The following SETBP1 variants were observed in gnomAD, a reference collection of about 807,000 sequenced individuals.
SETBP1 encodes SET-binding protein.
Under a neutral mutation model 101.0 loss-of-function variants are expected in SETBP1, and 9 were observed. The observed-to-expected ratio is 0.09, with a 90% CI of 0.05 to 0.16. The LOEUF is 0.16. Ranked by LOEUF, SETBP1 falls within the 10% of genes least tolerant of loss-of-function variation. The pLI is 1.00. For missense variants in SETBP1, 1,858 were observed against 2,033.8 expected (o/e 0.91, Z 1.66); for synonymous variants, 818 against 788.5 (o/e 1.04, Z -0.63).
At chr18:44,812,106 C>T (rs1335520467) in intron 2 of SETBP1, among the ~76,000 whole-genome samples, 2 of 152,040 alleles carry the variant, frequency 1.3e-5, no homozygotes, top group Non-Finnish European at 1.5e-5. Context: ...TGGTATGGGG[C>T]TCTCATGAGG....
At chr18:44,787,369 G>A (rs2071260117) in intron 2 of SETBP1, among the ~76,000 whole-genome samples, 1 of 152,166 alleles carries the variant, frequency 6.6e-6, no homozygotes, top group Non-Finnish European at 1.5e-5. Context: ...CTGCTAAGTT[G>A]AAGATGGAAC....
At chr18:44,944,164 T>A (rs565511266) in intron 3 of SETBP1, among the ~76,000 whole-genome samples, 1 of 152,254 alleles carries the variant, frequency 6.6e-6, no homozygotes, top group South Asian at 2.1e-4. Context: ...ACTCAAATCA[T>A]TGATTCTTCA....
chr18:45,042,757 T>C (rs1462519745), intron 5 of SETBP1, among the ~76,000 whole-genome samples: 2 of 152,154 alleles, frequency 1.3e-5, no homozygotes, highest in African/African-American at 4.8e-5. Context: ...ACATTATTGA[T>C]TTGTAAAAGG....
At chr18:44,695,094 G>A (rs1003410452) in intron 1 of SETBP1, among the ~76,000 whole-genome samples, 26 of 152,072 alleles carry the variant, frequency 1.7e-4, no homozygotes, top group African/African-American at 6.0e-4. Context: ...AATCAAATTG[G>A]TATTATGGAG....
intron 3 of SETBP1, among the ~76,000 whole-genome samples, chr18:44,928,044 TACATTAGGTATATCTC>T (rs145697714): frequency 0.036 from 5,456 of 152,268 alleles, 302 homozygotes; most frequent in African/African-American, 0.12. Context: ...ACTCGTCATT[TACATTAGGTATATCTC>T]CTAGTGCTAT....
chr18:44,682,043 T>A (rs1438194354), intron 1 of SETBP1, among the ~76,000 whole-genome samples: 1 of 152,202 alleles, frequency 6.6e-6, no homozygotes, highest in East Asian at 1.9e-4. Flanking sequence ...TACATCTTTT[T>A]CCTTCTTTTT....
At chr18:44,931,439 T>C (rs572323652) in intron 3 of SETBP1, among the ~76,000 whole-genome samples, 6 of 152,238 alleles carry the variant, frequency 3.9e-5, no homozygotes, top group Non-Finnish European at 5.9e-5. Flanking sequence ...GAGACTTCTG[T>C]ACATGTCTAT....
At chr18:45,051,554 G>C (rs1234317719) in intron 5 of SETBP1, among the ~76,000 whole-genome samples, 1 of 152,044 alleles carries the variant, frequency 6.6e-6, no homozygotes, top group Non-Finnish European at 1.5e-5. Flanking sequence ...GTTTAATTTG[G>C]CTATGAATCT....
In SETBP1 at chr18:45,063,134, C is replaced by T. The variant is rs200760583; in HGVS notation, c.4227C>T (p.Cys1409=). 4 of 1,613,974 alleles carry T rather than the reference C, an allele frequency of 2.5e-6. No individual in the cohort carries two copies. Among genetic ancestry groups the T allele is most frequent in the African/African-American group, 2.7e-5 (2 of 74,976 alleles). The change falls in exon 6 of 6, where the codon TGC becomes TGT. Residue 1409 remains cysteine, a synonymous_variant. Transcript: ENST00000649279. The stretch of plus-strand genomic sequence containing the variant: ...GGCGGGAGATCGAAGCCATCCAGTG[C>T]GAAGTGCGGAAGATGTGCAACTACA... ...FKRREIEAIQ[C]EVRKMCNYTK...
chr18:45,044,968 A>G (rs1452935728), intron 5 of SETBP1, among the ~76,000 whole-genome samples: 3 of 152,202 alleles, frequency 2.0e-5, no homozygotes, highest in African/African-American at 7.2e-5. Context: ...TTGCTGGGCA[A>G]AAGTCCACAA....
At chr18:44,765,244 A>C (rs12970746) in intron 2 of SETBP1, among the ~76,000 whole-genome samples, 11 of 151,730 alleles carry the variant, frequency 7.2e-5, no homozygotes, top group African/African-American at 2.4e-4. Flanking sequence ...AGGTAGATGT[A>C]CCTTTCCCTC....
chr18:44,917,700 A>G (rs548074087), intron 3 of SETBP1, among the ~76,000 whole-genome samples: 2 of 152,146 alleles, frequency 1.3e-5, no homozygotes, highest in South Asian at 4.2e-4. Flanking sequence ...CACCCTCTCC[A>G]GCTTGTCCTC....
intron 4 of SETBP1, among the ~76,000 whole-genome samples, chr18:45,027,980 G>T (rs1235429261): frequency 6.6e-6 from 1 of 151,880 alleles, no homozygotes; most frequent in Non-Finnish European, 1.5e-5. Flanking sequence ...GCATCTCTCT[G>T]ACCCTGTTTC....
chr18:45,063,860 G>T lies in SETBP1; in HGVS notation c.*162G>T, dbSNP rs752925967. The T allele has an allele frequency of 3.1e-4, 221 of 719,234 alleles. No individual in the cohort carries two copies. The highest frequency in any genetic ancestry group is 4.6e-4 in the Non-Finnish European group (206 of 445,284). The allele number at this position is 719,234 out of a possible 1,614,324, so 44.6% of individuals were successfully genotyped here. A position where few individuals can be genotyped will look rare whatever the true frequency, so the allele number is the denominator to read the frequency against. ...CCAGACGACGGGGCTGAGCCATCAG[G>T]AGCTCTTGGGAAAGCAAAGCAGGGA... On this transcript the variant is annotated 3_prime_UTR_variant, in exon 6 of 6. Transcript: ENST00000649279.
chr18:44,919,900 T>C (rs1433862527), intron 3 of SETBP1, among the ~76,000 whole-genome samples: 1 of 152,156 alleles, frequency 6.6e-6, no homozygotes, highest in Non-Finnish European at 1.5e-5. Flanking sequence ...CACATATAGA[T>C]ATAAACATAG....
intron 3 of SETBP1, among the ~76,000 whole-genome samples, chr18:44,893,917 A>T (rs1023684365): frequency 6.6e-6 from 1 of 152,096 alleles, no homozygotes; most frequent in Admixed American, 6.6e-5. Context: ...CTGCCTATCT[A>T]TTGTATATAC....
intron 4 of SETBP1, among the ~76,000 whole-genome samples, chr18:45,001,982 CA>C (rs1449258242): frequency 1.3e-5 from 2 of 152,080 alleles, no homozygotes; most frequent in African/African-American, 2.4e-5. Flanking sequence ...GCTCCCCCAC[CA>C]AAATAATAAT....
intron 4 of SETBP1, among the ~76,000 whole-genome samples, chr18:45,005,626 G>A (rs1452986761): frequency 6.7e-6 from 1 of 149,856 alleles, no homozygotes; most frequent in East Asian, 2.0e-4. Flanking sequence ...CTGCCTCCGT[G>A]AAGTCTTAAA....
chr18:44,716,987 C>A (rs2069481596), intron 2 of SETBP1, among the ~76,000 whole-genome samples: 1 of 152,210 alleles, frequency 6.6e-6, no homozygotes, highest in Non-Finnish European at 1.5e-5. Flanking sequence ...CTTTGCCAAG[C>A]ACTTGACACA....
Sources: gnomAD v4.1 joint callset for allele counts (sites outside exome capture counted in the v4.1 genomes callset) on GRCh38, gnomAD v4.1.1 for gene constraint, MANE v1.5 for transcripts, NCBI Gene and HGNC (gene_info 2026-07-23, HGNC 2026-07-21) for gene names.